The following TAB2 variants were observed in gnomAD, a reference collection of about 807,000 sequenced individuals.
The protein encoded by TAB2 is TGF-beta-activated kinase 1 and MAP3K7-binding protein 2.
A neutral mutation model predicts 65.0 loss-of-function variants in TAB2; 3 were observed. The observed-to-expected ratio is 0.05, with a 90% CI of 0.02 to 0.12. The LOEUF is 0.12. Among genes scored for constraint, TAB2 ranks in the 10% least tolerant of loss-of-function variants. The probability of loss-of-function intolerance (pLI) is 1.00; values close to 1 mark genes in which losing one functional copy is unlikely to be tolerated. For synonymous variants in TAB2, 298 were observed against 285.1 expected (o/e 1.05, Z -0.46); for missense variants, 623 against 840.3 (o/e 0.74, Z 3.20).
chr6:149,258,405 G>T (rs76429711), intron 1 of TAB2, among the ~76,000 whole-genome samples: 1,914 of 139,674 alleles, frequency 0.014, 40 homozygotes, highest in African/African-American at 0.05. Context: ...CCCCTCCAGT[G>T]CATGACTGCC....
intron 1 of TAB2, chr6:149,255,470 A>C (rs1778004284): frequency 6.6e-6 from 1 of 152,218 alleles, no homozygotes; most frequent in Non-Finnish European, 1.5e-5. Context: ...TAAGACTAAA[A>C]AACTATTCTA....
chr6:149,265,155 G>GA (rs566130015), intron 1 of TAB2, among the ~76,000 whole-genome samples: 7 of 148,384 alleles, frequency 4.7e-5, no homozygotes, highest in East Asian at 3.9e-4. Context: ...AATAATGCTG[G>GA]AAAAAAATGC....
At chr6:149,233,184 A>G (rs1204860510) in intron 1 of TAB2, among the ~76,000 whole-genome samples, 3 of 152,122 alleles carry the variant, frequency 2.0e-5, no homozygotes, top group African/African-American at 7.2e-5. Flanking sequence ...CATGGTAACT[A>G]CCTGGCGGGG....
intron 1 of TAB2, among the ~76,000 whole-genome samples, chr6:149,360,563 A>T (rs1370451354): frequency 6.6e-6 from 1 of 152,208 alleles, no homozygotes; most frequent in Non-Finnish European, 1.5e-5. Flanking sequence ...TCCCATCTCC[A>T]ACACTGGGGA....
intron 1 of TAB2, among the ~76,000 whole-genome samples, chr6:149,253,633 A>AAG (rs1554254203): frequency 3.4e-5 from 5 of 147,486 alleles, no homozygotes; most frequent in Admixed American, 6.8e-5. Flanking sequence ...AAAAAAAAAA[A>AAG]AAAAAGAAAG....
intron 1 of TAB2, among the ~76,000 whole-genome samples, chr6:149,369,613 T>C (rs1781153743): frequency 6.6e-6 from 1 of 152,244 alleles, no homozygotes; most frequent in Non-Finnish European, 1.5e-5. Context: ...TTCTTCTCCC[T>C]TTTTAAAAGA....
intron 1 of TAB2, chr6:149,245,699 C>G (rs1461025432): frequency 6.6e-6 from 1 of 152,134 alleles, no homozygotes; most frequent in African/African-American, 2.4e-5. Context: ...ACAATGCACT[C>G]TTTATTCCAT....
At chr6:149,268,257 C>G (rs1025801462) in intron 1 of TAB2, among the ~76,000 whole-genome samples, 5 of 152,204 alleles carry the variant, frequency 3.3e-5, no homozygotes, top group Admixed American at 6.5e-5. Flanking sequence ...CATCACGGTC[C>G]ACTGTGGCTG....
At chr6:149,310,989 G>C (rs1272838892) in intron 1 of TAB2, among the ~76,000 whole-genome samples, 1 of 152,036 alleles carries the variant, frequency 6.6e-6, no homozygotes, top group East Asian at 1.9e-4. Flanking sequence ...TACCTTTGCC[G>C]AGTGATGACT....
chr6:149,397,725 G>A lies in TAB2; in HGVS notation c.1725G>A (p.Arg575=). The A allele has an allele frequency of 6.2e-7, 1 of 1,613,880 alleles. No individual in the cohort carries two copies. Among genetic ancestry groups the A allele is most frequent in the Non-Finnish European group, 8.5e-7 (1 of 1,179,996 alleles). Residue 575 remains arginine (R), a synonymous_variant, in exon 4 of 7, where the codon AGG becomes AGA. Coordinates refer to ENST00000637181, the MANE Select transcript of TAB2 (RefSeq NM_001292034.3). Reference sequence around the variant, plus strand: ...AAATGGAAAATAATCTAACTCGAAGGCGCCTGAAAAGATCAAATTCTATAT... The same window carrying A: ...AAATGGAAAATAATCTAACTCGAAGACGCCTGAAAAGATCAAATTCTATAT... The part of the protein sequence containing the change: ...VNEMENNLTR[R]RLKRSNSISQ...
intron 2 of TAB2, among the ~76,000 whole-genome samples, chr6:149,370,596 TG>T (rs1053384241): frequency 3.3e-5 from 5 of 151,986 alleles, no homozygotes; most frequent in African/African-American, 9.7e-5. Context: ...CAATTCCAAA[TG>T]GGGGAAAAAA....
At chr6:149,352,748 C>T (rs116129889) in intron 1 of TAB2, among the ~76,000 whole-genome samples, 2,377 of 152,242 alleles carry the variant, frequency 0.016, 52 homozygotes, top group South Asian at 0.096. Context: ...TGAGAGGGCT[C>T]ATCACAGTGG....
chr6:149,291,261 A>T (rs1170911597), intron 1 of TAB2: 1 of 152,262 alleles, frequency 6.6e-6, no homozygotes, highest in Non-Finnish European at 1.5e-5. Flanking sequence ...TTGGACTACA[A>T]CATGAAAGAG....
intron 2 of TAB2, among the ~76,000 whole-genome samples, chr6:149,377,113 A>C (rs996735903): frequency 1.4e-5 from 2 of 146,478 alleles, no homozygotes; most frequent in African/African-American, 5.1e-5. Flanking sequence ...TCTGTCACCC[A>C]GGCTGGAGTG....
At chr6:149,358,762 C>A (rs1360276997) in intron 1 of TAB2, among the ~76,000 whole-genome samples, 1 of 151,098 alleles carries the variant, frequency 6.6e-6, no homozygotes, top group Non-Finnish European at 1.5e-5. Context: ...TATCTTTCTA[C>A]AAGTCCTCTA....
chr6:149,224,130 C>G (rs902733739), intron 1 of TAB2, among the ~76,000 whole-genome samples: 9 of 152,180 alleles, frequency 5.9e-5, no homozygotes, highest in Non-Finnish European at 1.0e-4. Flanking sequence ...CTGGACAGTT[C>G]TCAGTGCAGT....
intron 6 of TAB2, among the ~76,000 whole-genome samples, chr6:149,403,263 T>TATATACACACACAC (rs1782517391): frequency 2.3e-5 from 1 of 43,634 alleles, no homozygotes; most frequent in African/African-American, 1.3e-4. Flanking sequence ...TATATATATA[T>TATATACACACACAC]ATATATATAT....
At chr6:149,253,797 C>G (rs1356326089) in intron 1 of TAB2, among the ~76,000 whole-genome samples, 2 of 149,962 alleles carry the variant, frequency 1.3e-5, no homozygotes, top group East Asian at 3.9e-4. Flanking sequence ...TGGAGCACGC[C>G]TGTAATCCTA....
chr6:149,286,889 G>A (rs772449643), intron 1 of TAB2, among the ~76,000 whole-genome samples: 3 of 152,146 alleles, frequency 2.0e-5, no homozygotes, highest in Non-Finnish European at 4.4e-5. Flanking sequence ...GCTGAGGTGG[G>A]TGGATCACCT....
Sources: gnomAD v4.1 joint callset for allele counts (sites outside exome capture counted in the v4.1 genomes callset) on GRCh38, gnomAD v4.1.1 for gene constraint, MANE v1.5 for transcripts, NCBI Gene and HGNC (gene_info 2026-07-23, HGNC 2026-07-21) for gene names.